The following TTC27 variants were observed in gnomAD, a reference collection of about 807,000 sequenced individuals.
The protein encoded by TTC27 is tetratricopeptide repeat protein 27.
Under a neutral mutation model 115.9 loss-of-function variants are expected in TTC27, and 79 were observed. The ratio of observed to expected loss-of-function variants is 0.68; its 90% CI spans 0.57 to 0.82. TTC27 has a LOEUF of 0.82. Among genes scored for constraint, TTC27 ranks in the 40% least tolerant of loss-of-function variants. The probability of loss-of-function intolerance (pLI) is 0.00; values close to 1 mark genes in which losing one functional copy is unlikely to be tolerated. For synonymous variants in TTC27, 401 were observed against 356.0 expected (o/e 1.13, Z -1.42); for missense variants, 1,054 against 993.1 (o/e 1.06, Z -0.82).
intron 16 of TTC27, among the ~76,000 whole-genome samples, chr2:32,800,882 A>T (rs58368474): frequency 5.9e-4 from 90 of 152,326 alleles, no homozygotes; most frequent in African/African-American, 2.0e-3. Context: ...AAAAGAAAGT[A>T]TGGCAAATAT....
intron 10 of TTC27, among the ~76,000 whole-genome samples, chr2:32,710,715 CACCACGCCCAGCCTGTATAT>C (rs1309964180): frequency 6.6e-6 from 1 of 151,988 alleles, no homozygotes; most frequent in East Asian, 1.9e-4. Flanking sequence ...AGACGTGAGC[CACCACGCCCAGCCTGTATAT>C]ACCTTTTCAG....
chr2:32,652,027 G>A (rs577613096), intron 5 of TTC27, among the ~76,000 whole-genome samples: 7 of 152,240 alleles, frequency 4.6e-5, no homozygotes, highest in Non-Finnish European at 1.0e-4. Flanking sequence ...GATTGGTTCT[G>A]GAACCTGACC....
At chr2:32,698,456 A>ATTATTATTATTATTATTATTATTT (rs908312474) in intron 9 of TTC27, among the ~76,000 whole-genome samples, 7 of 146,450 alleles carry the variant, frequency 4.8e-5, no homozygotes, top group East Asian at 4.0e-4. Flanking sequence ...TATTATTATT[A>ATTATTATTATTATTATTATTATTT]TTTTTTAGCA....
In TTC27 at chr2:32,672,424, A is replaced by G. The variant is rs534696587; in HGVS notation, c.1052+40A>G. The G allele has an allele frequency of 1.1e-5, 15 of 1,421,754 alleles. 1 individual carries two copies. The South Asian group carries it at 1.6e-4, about 15-fold the overall frequency. The allele number at this position is 1,421,754 out of a possible 1,614,324, so 88.1% of individuals were successfully genotyped here. A position where few individuals can be genotyped will look rare whatever the true frequency, so the allele number is the denominator to read the frequency against. ...GACTTGGCTGCTTTGAACACTTTGC[A>G]TATTGATTCTCTTATGTGTGGAGAA... On this transcript the variant is annotated intron_variant, in intron 8 of 19. Coordinates refer to ENST00000317907, the MANE Select transcript of TTC27 (RefSeq NM_017735.5).
chr2:32,659,133 A>G lies in TTC27; in HGVS notation c.641-5170A>G, dbSNP rs549219503. ...GCATGCTCCACCATGCCTGACTAAT[A>G]TTTTTATTTTTTTGTTGAGATGAGT... On this transcript the variant is annotated intron_variant, in intron 5 of 19. Transcript: ENST00000317907. Among the ~76,000 whole-genome samples the G allele has an allele frequency of 3.3e-5, 5 of 152,016 alleles. No homozygotes were observed. The South Asian group carries it at 1.0e-3, about 32-fold the overall frequency.
chr2:32,748,907 C>T (rs779777147), intron 12 of TTC27, among the ~76,000 whole-genome samples: 3 of 151,962 alleles, frequency 2.0e-5, no homozygotes, highest in Non-Finnish European at 4.4e-5. Flanking sequence ...AGACTGGTCT[C>T]GAACTCCTGA....
intron 12 of TTC27, among the ~76,000 whole-genome samples, chr2:32,747,786 A>G (rs1668878634): frequency 6.6e-6 from 1 of 152,142 alleles, no homozygotes; most frequent in Admixed American, 6.5e-5. Context: ...TGAGCCTTGG[A>G]TCCTGTTTTC....
chr2:32,776,427 C>T (rs1669999546), intron 13 of TTC27, among the ~76,000 whole-genome samples: 1 of 152,122 alleles, frequency 6.6e-6, no homozygotes, highest in South Asian at 2.1e-4. Context: ...ATTTTCTTTC[C>T]TAACCTAAAC....
At chr2:32,631,542 A>T (rs1664209931) in intron 2 of TTC27, among the ~76,000 whole-genome samples, 1 of 152,172 alleles carries the variant, frequency 6.6e-6, no homozygotes, top group Non-Finnish European at 1.5e-5. Flanking sequence ...AGTGGCTTAT[A>T]TTTCATTGTT....
At chr2:32,713,765 CT>C in intron 10 of TTC27, among the ~76,000 whole-genome samples, 1 of 151,902 alleles carries the variant, frequency 6.6e-6, no homozygotes, top group East Asian at 1.9e-4. Context: ...AATATTTGTT[CT>C]TTTTTTTGAC....
intron 10 of TTC27, among the ~76,000 whole-genome samples, chr2:32,723,451 A>G (rs1322240889): frequency 6.6e-6 from 1 of 152,040 alleles, no homozygotes; most frequent in African/African-American, 2.4e-5. Flanking sequence ...GTTCTTTAGC[A>G]TCTCCAGATG....
At chr2:32,635,954 T>C (rs1664408401) in intron 3 of TTC27, among the ~76,000 whole-genome samples, 1 of 152,192 alleles carries the variant, frequency 6.6e-6, no homozygotes, top group African/African-American at 2.4e-5. Flanking sequence ...GAAGGGAATT[T>C]ATAATTTATA....
chr2:32,666,745 A>G lies in TTC27; in HGVS notation c.916A>G (p.Thr306Ala), dbSNP rs748924168. ...AAATTGTGAATTCACTCCAGCACCC[A>G]CTCCTCAGGAACATTTAACCAAGGC... ...LSNCEFTPAP[T>A]PQEHLTKNLE... Residue 306 changes from threonine (T) to alanine (A), a missense_variant, in exon 7 of 20, where the codon ACT (threonine) becomes GCT (alanine). Physicochemically the swap from Thr to Ala is moderately conservative, Grantham distance 58. Transcript: ENST00000317907. The G allele has an allele frequency of 6.2e-7, 1 of 1,612,944 alleles. No homozygotes were observed. The highest frequency in any genetic ancestry group is 8.5e-7 in the Non-Finnish European group (1 of 1,179,416).
intron 12 of TTC27, among the ~76,000 whole-genome samples, chr2:32,741,469 C>G (rs1668634281): frequency 6.6e-6 from 1 of 151,486 alleles, no homozygotes; most frequent in Non-Finnish European, 1.5e-5. Flanking sequence ...TGGTGAAACC[C>G]CATCTCTACT....
At chr2:32,678,436 T>C (rs1464293329) in intron 8 of TTC27, among the ~76,000 whole-genome samples, 8 of 152,052 alleles carry the variant, frequency 5.3e-5, no homozygotes, top group Non-Finnish European at 1.2e-4. Context: ...TTGTTTTGTT[T>C]TGTTTTTTTG....
chr2:32,767,523 G>A (rs952228530), intron 13 of TTC27, among the ~76,000 whole-genome samples: 40 of 146,050 alleles, frequency 2.7e-4, no homozygotes, highest in African/African-American at 8.8e-4. Context: ...CTGCAGTGGC[G>A]CAATCTCGGC....
At chr2:32,734,149 A>G (rs1395285890) in intron 11 of TTC27, among the ~76,000 whole-genome samples, 4 of 152,218 alleles carry the variant, frequency 2.6e-5, no homozygotes, top group Non-Finnish European at 4.4e-5. Context: ...ATGAAATAGA[A>G]TCCTAGAAAT....
In TTC27 at chr2:32,733,895, G is replaced by A; in HGVS notation, c.1301G>A (p.Cys434Tyr). 1 of 1,611,932 alleles carries A rather than the reference G, an allele frequency of 6.2e-7. No homozygotes were observed. The highest frequency in any genetic ancestry group is 8.5e-7 in the Non-Finnish European group (1 of 1,178,882). The change falls in exon 11 of 20, where the codon TGT becomes TAT. Residue 434 changes from cysteine to tyrosine, a missense_variant. Coordinates refer to ENST00000317907, the MANE Select transcript of TTC27 (RefSeq NM_017735.5). ...GAACGCCTGAAGATTTTCTATTGCT[G>A]TCAAGTACCACCTCACTGGGCCATT... ...VLERLKIFYC[C>Y]QVPPHWAIQR... is the part of the protein sequence containing the mutation.
At chr2:32,717,177 T>C (rs1477851611) in intron 10 of TTC27, among the ~76,000 whole-genome samples, 1 of 151,792 alleles carries the variant, frequency 6.6e-6, no homozygotes, top group African/African-American at 2.4e-5. Context: ...TCCTACTACA[T>C]TGCCCAGTCT....
Sources: gnomAD v4.1 joint callset for allele counts (sites outside exome capture counted in the v4.1 genomes callset) on GRCh38, gnomAD v4.1.1 for gene constraint, MANE v1.5 for transcripts, NCBI Gene and HGNC (gene_info 2026-07-23, HGNC 2026-07-21) for gene names.